Variants in KCNK9 observed in about 807,000 individuals in gnomAD.
KCNK9 encodes the protein potassium two pore domain channel subfamily K member 9, also known as potassium channel subfamily K member 9.
KCNK9 carries 1 observed loss-of-function variant against 10.8 expected under a neutral mutation model. The observed-to-expected ratio is 0.09, with a 90% confidence interval of 0.03 to 0.44. The LOEUF is 0.44. KCNK9 is among the 20% of genes least tolerant of loss of function. The pLI, the probability that KCNK9 is intolerant of heterozygous loss-of-function variation, is 0.97. For missense variants in KCNK9, 303 were observed against 515.0 expected (o/e 0.59, Z 3.98); for synonymous variants, 231 against 222.7 (o/e 1.04, Z -0.33).
Position 139,618,065 on chromosome 8 carries a change from T to A in KCNK9, c.*193A>T. ...GTTTCAGAGGAGGATGGGCCTGTAT[T>A]TCCCTTTGGCCTGCTCTGTCTGGCT... On this transcript the variant is annotated 3_prime_UTR_variant, in exon 2 of 2. Transcript: ENST00000520439. The surrounding 1 kb of genome is among the most constrained non-coding windows in gnomAD (Gnocchi z 7.9). 1.5e-6 allele frequency: 1 copy of A among 685,984 alleles called. No individual in the cohort carries two copies. The highest frequency in any genetic ancestry group is 2.4e-6 in the Non-Finnish European group (1 of 417,786). The allele number at this position is 685,984 out of a possible 1,614,324, so 42.5% of individuals were successfully genotyped here.
At chr8:139,656,068 T>G (rs560417688) in intron 1 of KCNK9, among the ~76,000 whole-genome samples, 40 of 152,120 alleles carry the variant, frequency 2.6e-4, no homozygotes, top group Non-Finnish European at 2.4e-4. Context: ...TTCAAACAAT[T>G]CAGTACTCCC....
At chr8:139,697,096 T>C (rs1208558484) in intron 1 of KCNK9, among the ~76,000 whole-genome samples, 5 of 149,906 alleles carry the variant, frequency 3.3e-5, no homozygotes, top group Non-Finnish European at 7.4e-5. Context: ...GGTGAACAGA[T>C]GGATGGTGGA....
intron 1 of KCNK9, among the ~76,000 whole-genome samples, chr8:139,681,520 C>G (rs1816687275): frequency 6.6e-6 from 1 of 152,216 alleles, no homozygotes; most frequent in Admixed American, 6.5e-5. Context: ...CCACACATCT[C>G]CTTACTTTGA....
chr8:139,642,317 G>A (rs1451025464), intron 1 of KCNK9, among the ~76,000 whole-genome samples: 7 of 152,150 alleles, frequency 4.6e-5, no homozygotes, highest in African/African-American at 1.7e-4. Context: ...ACCAGAGGTC[G>A]TTGCACGAAG....
chr8:139,640,888 C>G, intron 1 of KCNK9, among the ~76,000 whole-genome samples: 1 of 152,240 alleles, frequency 6.6e-6, no homozygotes, highest in East Asian at 1.9e-4. Context: ...TCACTCGGAG[C>G]TCACTGGAGG....
At chr8:139,655,356 G>A (rs1187724251) in intron 1 of KCNK9, among the ~76,000 whole-genome samples, 5 of 152,136 alleles carry the variant, frequency 3.3e-5, no homozygotes, top group African/African-American at 4.8e-5. Flanking sequence ...CTCCTTCCCC[G>A]GCTTGTTCCC....
At chr8:139,637,952 T>C (rs756472700) in intron 1 of KCNK9, among the ~76,000 whole-genome samples, 32 of 152,030 alleles carry the variant, frequency 2.1e-4, no homozygotes, top group Non-Finnish European at 4.1e-4. Flanking sequence ...AGAGGGAGAA[T>C]GTGAGGAAGC....
intron 1 of KCNK9, among the ~76,000 whole-genome samples, chr8:139,683,196 C>T (rs1816726331): frequency 6.6e-6 from 1 of 152,160 alleles, no homozygotes; most frequent in Non-Finnish European, 1.5e-5. Context: ...GAGATAAGAG[C>T]AATGACCCAC....
intron 1 of KCNK9, among the ~76,000 whole-genome samples, chr8:139,622,378 C>T (rs1814816100): frequency 6.6e-6 from 1 of 152,174 alleles, no homozygotes; most frequent in Non-Finnish European, 1.5e-5. Flanking sequence ...TTCCCAGCCA[C>T]ACCCTGCTCT....
At chr8:139,664,946 AG>A (rs751270243) in intron 1 of KCNK9, among the ~76,000 whole-genome samples, 87 of 152,150 alleles carry the variant, frequency 5.7e-4, no homozygotes, top group Middle Eastern at 3.4e-3. Context: ...ATCAAACCTG[AG>A]GGATCTGGGG....
chr8:139,643,201 C>A (rs371359469), intron 1 of KCNK9, among the ~76,000 whole-genome samples: 1 of 152,236 alleles, frequency 6.6e-6, no homozygotes, highest in Non-Finnish European at 1.5e-5. Flanking sequence ...CACACCAGCA[C>A]CAGGCTCAGT....
At chr8:139,621,925 T>C (rs1814795543) in intron 1 of KCNK9, among the ~76,000 whole-genome samples, 1 of 152,198 alleles carries the variant, frequency 6.6e-6, no homozygotes, top group South Asian at 2.1e-4. Context: ...CTGGAAGAAA[T>C]CACCATGGCA....
chr8:139,695,861 A>G (rs1265712118), intron 1 of KCNK9, among the ~76,000 whole-genome samples: 1 of 152,086 alleles, frequency 6.6e-6, no homozygotes, highest in Non-Finnish European at 1.5e-5. Context: ...TGGTGTATAC[A>G]CAGCCCAGAG....
intron 1 of KCNK9, among the ~76,000 whole-genome samples, chr8:139,629,890 A>G (rs1030744329): frequency 2.0e-4 from 31 of 152,192 alleles, no homozygotes; most frequent in African/African-American, 7.5e-4. Context: ...ATACGGTCAC[A>G]TTGGAAGTTA....
intron 1 of KCNK9, among the ~76,000 whole-genome samples, chr8:139,663,066 C>T (rs561351438): frequency 1.3e-5 from 2 of 152,254 alleles, no homozygotes; most frequent in East Asian, 3.9e-4. Context: ...GAGTCCATGG[C>T]ATCTCCCAGA....
exon 3 of KCNK9, chr8:139,601,122 G>A (rs1239539529): frequency 6.6e-6 from 1 of 152,218 alleles, no homozygotes; most frequent in Non-Finnish European, 1.5e-5. Context: ...TGCAGACGGG[G>A]AAACCCCACG....
intron 1 of KCNK9, among the ~76,000 whole-genome samples, chr8:139,672,300 T>G (rs945906086): frequency 1.3e-5 from 2 of 152,142 alleles, no homozygotes; most frequent in African/African-American, 4.8e-5. Context: ...GATTCCTTCC[T>G]TGGACTGTGT....
Position 139,634,097 on chromosome 8 carries a change from A to G in KCNK9, c.284-14998T>C, listed in dbSNP as rs573110146. Reference sequence around the variant, plus strand: ...GGTTCACTCCCATGTCCCTCAACCCAGGGCTGGGACAGCTTAGCACGGTGG... The same window carrying G: ...GGTTCACTCCCATGTCCCTCAACCCGGGGCTGGGACAGCTTAGCACGGTGG... On this transcript the variant is annotated intron_variant, in intron 1 of 1. Transcript: ENST00000520439. Among the ~76,000 whole-genome samples, 6 of 152,350 alleles carry G rather than the reference A, an allele frequency of 3.9e-5. No homozygotes were observed. In the East Asian group the frequency reaches 9.7e-4, roughly 25 times the overall value.
chr8:139,653,514 C>T (rs1815929569), intron 1 of KCNK9, among the ~76,000 whole-genome samples: 1 of 151,906 alleles, frequency 6.6e-6, no homozygotes, highest in South Asian at 2.1e-4. Context: ...CCCCACCACC[C>T]CCGCCGCCTT....
Sources: allele counts gnomAD v4.1 joint callset (sites outside exome capture counted in the v4.1 genomes callset), GRCh38; gene constraint gnomAD v4.1.1; non-coding constraint Gnocchi (gnomAD v3.1); transcripts MANE v1.5; gene names NCBI Gene and HGNC (gene_info 2026-07-23, HGNC 2026-07-21).